UFD1: variants seen among roughly 807,000 people sequenced by gnomAD.
The protein encoded by UFD1 is ubiquitin recognition factor in ER associated degradation 1, also known as ubiquitin recognition factor in ER-associated degradation protein 1.
UFD1 carries 13 observed loss-of-function variants against 45.9 expected under a neutral mutation model. The observed-to-expected ratio is 0.28, with a 90% CI of 0.18 to 0.45. UFD1 has a LOEUF of 0.45. Among genes scored for constraint, UFD1 ranks in the 20% least tolerant of loss-of-function variants. UFD1 has a pLI of 1.00. For synonymous variants in UFD1, 128 were observed against 139.2 expected (o/e 0.92, Z 0.56); for missense variants, 218 against 389.2 (o/e 0.56, Z 3.70).
At chr22:19,452,959 C>T in intron 11 of UFD1, 1 of 868,818 alleles carries the variant, frequency 1.2e-6, no homozygotes, top group Non-Finnish European at 1.4e-6. Flanking sequence ...CAAAATTGTG[C>T]CCATCTTTGG....
At position 19,477,056 on chromosome 22, in the gene UFD1, G is replaced by C. The variant is rs372209787; in HGVS notation, c.4-1454C>G. Among the ~76,000 whole-genome samples, 56 of 147,520 alleles carry C rather than the reference G, an allele frequency of 3.8e-4. 1 individual carries two copies. The highest frequency in any genetic ancestry group is 1.4e-3 in the African/African-American group (55 of 40,024). ...AATTTATAAATTAGGCACAGTAAGA[G>C]ATTAACAATTAATAATAAAACAATT... On this transcript the variant is annotated intron_variant, in intron 1 of 11. Coordinates refer to ENST00000263202, the MANE Select transcript of UFD1 (RefSeq NM_005659.7).
rs150140115 is a variant in UFD1, at chr22:19,454,514, T to C, written c.849+235A>G. 2.8e-5 allele frequency: 25 copies of C among 901,480 alleles called. No individual in the cohort carries two copies. The East Asian group carries it at 9.0e-4, about 32-fold the overall frequency. The allele number at this position is 901,480 out of a possible 1,614,324, so 55.8% of individuals were successfully genotyped here. A position where few individuals can be genotyped will look rare whatever the true frequency, so the allele number is the denominator to read the frequency against. The stretch of plus-strand genomic sequence containing the variant: ...CCAGCTTTTTCTCTGCCTGCTACCA[T>C]CCATGTAAGATGTGACTTGCCCCCT... On this transcript the variant is annotated intron_variant, in intron 11 of 11. Coordinates refer to ENST00000263202, the MANE Select transcript of UFD1 (RefSeq NM_005659.7).
intron 10 of UFD1, 26 bp downstream of exon 10, chr22:19,455,654 C>T (rs768390871): frequency 1.9e-6 from 3 of 1,610,652 alleles, no homozygotes; most frequent in South Asian, 1.1e-5. Context: ...TCCTCCTGTC[C>T]TGGAGGAGAG....
intron 8 of UFD1, 45 bp from the exon 9 acceptor site, chr22:19,456,679 C>T: frequency 6.2e-7 from 1 of 1,614,062 alleles, no homozygotes; most frequent in Non-Finnish European, 8.5e-7. Flanking sequence ...AGCGGGGACA[C>T]CCAGCTTCCC....
chr22:19,454,717 C>T lies in UFD1; in HGVS notation c.849+32G>A, dbSNP rs377614768. 28 of 1,613,624 alleles carry T rather than the reference C, an allele frequency of 1.7e-5. No individual in the cohort carries two copies. In the African/African-American group the frequency reaches 3.1e-4, roughly 18 times the overall value. ...CACTAGCAAATAAATCTCCTCATTA[C>T]CAACCAAGGAAATACAAGGAAATAC... On this transcript the variant is annotated intron_variant, in intron 11 of 11. Coordinates refer to ENST00000263202, the MANE Select transcript of UFD1 (RefSeq NM_005659.7).
At chr22:19,474,557 T>C (rs1601903459) in intron 3 of UFD1, among the ~76,000 whole-genome samples, 1 of 151,634 alleles carries the variant, frequency 6.6e-6, no homozygotes, top group South Asian at 2.1e-4. Flanking sequence ...AAAAAATAAA[T>C]AAATAAATAA....
Position 19,450,416 on chromosome 22 carries a change from G to A in UFD1, c.*254C>T, listed in dbSNP as rs1250539712. The A allele has an allele frequency of 9.2e-6, 4 of 437,054 alleles. No individual in the cohort carries two copies. The highest frequency in any genetic ancestry group is 7.6e-5 in the East Asian group (2 of 26,262). 27.1% of individuals were successfully genotyped at this position (437,054 alleles called of 1,614,324 possible). ...TGGGAGCTCCCCTCAAGCTGAAAGCGTGAAGAGGTGAGGAGGCAGCTATCT... is the reference window on the plus strand; with the variant it reads ...TGGGAGCTCCCCTCAAGCTGAAAGCATGAAGAGGTGAGGAGGCAGCTATCT... On this transcript the variant is annotated 3_prime_UTR_variant, in exon 12 of 12. Transcript: ENST00000263202.
chr22:19,453,127 C>G, intron 11 of UFD1: 1 of 985,376 alleles, frequency 1.0e-6, no homozygotes, highest in Non-Finnish European at 1.2e-6. Flanking sequence ...AGCCTCCAGC[C>G]TTCTGGGATG....
In UFD1 at chr22:19,450,551, T is replaced by G; in HGVS notation, c.*119A>C. Reference sequence around the variant, plus strand: ...TTAATAATTCTTAGGTAACTCTAAATAAATCTTAAGTAACAGAGTATTCTC... The same window carrying G: ...TTAATAATTCTTAGGTAACTCTAAAGAAATCTTAAGTAACAGAGTATTCTC... On this transcript the variant is annotated 3_prime_UTR_variant, in exon 12 of 12. Transcript: ENST00000263202. 7.8e-7 allele frequency: 1 copy of G among 1,289,226 alleles called. No homozygotes were observed. Among genetic ancestry groups the G allele is most frequent in the Admixed American group, 2.1e-5 (1 of 48,732 alleles). 79.9% of individuals were successfully genotyped at this position (1,289,226 alleles called of 1,614,324 possible). A position where few individuals can be genotyped will look rare whatever the true frequency, so the allele number is the denominator to read the frequency against.
chr22:19,475,028 T>C, intron 3 of UFD1, 40 bp downstream of exon 3: 1 of 1,592,662 alleles, frequency 6.3e-7, no homozygotes, highest in Admixed American at 1.7e-5. Context: ...TGTCCATATG[T>C]ACATTATCTA....
chr22:19,450,835 A>T (rs757456253), intron 11 of UFD1, 91 bp from the exon 12 acceptor site: 12 of 1,596,156 alleles, frequency 7.5e-6, no homozygotes, highest in Non-Finnish European at 1.0e-5. Flanking sequence ...CATCCACATT[A>T]CTCATAAGAA....
chr22:19,454,493 CT>C, intron 11 of UFD1: 1 of 807,494 alleles, frequency 1.2e-6, no homozygotes, highest in South Asian at 2.0e-5. Flanking sequence ...CCTGCACCAG[CT>C]TTTTCTCTGC....
chr22:19,452,615 C>T (rs1298147370), intron 11 of UFD1: 2 of 152,272 alleles, frequency 1.3e-5, no homozygotes. Context: ...GCCTCCACCT[C>T]CCAGGCTCAA....
At chr22:19,471,568 C>A in intron 4 of UFD1, 119 bp downstream of exon 4, 7 of 1,449,940 alleles carry the variant, frequency 4.8e-6, no homozygotes, top group South Asian at 2.5e-5. Context: ...TCGGCTCAGG[C>A]TAAGACGCTG....
At chr22:19,468,707 G>C (rs1423673463) in intron 4 of UFD1, among the ~76,000 whole-genome samples, 3 of 152,146 alleles carry the variant, frequency 2.0e-5, no homozygotes, top group African/African-American at 7.2e-5. Flanking sequence ...TCAGTAGAAA[G>C]AGCCGTAGAA....
chr22:19,459,951 C>A (rs2089753891), intron 6 of UFD1, among the ~76,000 whole-genome samples: 1 of 151,760 alleles, frequency 6.6e-6, no homozygotes, highest in Admixed American at 6.6e-5. Flanking sequence ...GTTGGCCAGG[C>A]TGGTCTTGAA....
At chr22:19,450,882 T>C in intron 11 of UFD1, 138 bp from the exon 12 acceptor site, 1 of 1,511,204 alleles carries the variant, frequency 6.6e-7, no homozygotes, top group Non-Finnish European at 8.9e-7. Flanking sequence ...ACACCTGTAA[T>C]CCCAGCACTT....
chr22:19,478,430 T>C (rs1297914915), intron 1 of UFD1, among the ~76,000 whole-genome samples: 1 of 152,212 alleles, frequency 6.6e-6, no homozygotes, highest in Non-Finnish European at 1.5e-5. Flanking sequence ...TCGAATAAAG[T>C]ACCTCTGTAA....
At chr22:19,470,721 C>T (rs767188568) in intron 4 of UFD1, 11 of 454,684 alleles carry the variant, frequency 2.4e-5, no homozygotes, top group East Asian at 1.4e-4. Context: ...GGATTAGAGG[C>T]GTGAGCCACC....
Sources: gnomAD v4.1 joint callset for allele counts (sites outside exome capture counted in the v4.1 genomes callset) on GRCh38, gnomAD v4.1.1 for gene constraint, MANE v1.5 for transcripts, NCBI Gene and HGNC (gene_info 2026-07-23, HGNC 2026-07-21) for gene names.